Variants in FBRS observed in about 807,000 individuals in gnomAD.
The protein encoded by FBRS is fibrosin, also known as probable fibrosin-1.
A neutral mutation model predicts 86.1 loss-of-function variants in FBRS; 15 were observed. The ratio of observed to expected loss-of-function variants is 0.17; its 90% confidence interval spans 0.12 to 0.27. The LOEUF (loss-of-function observed/expected upper bound fraction) is 0.27, where lower values mean the gene tolerates loss of function less well. Among genes scored for constraint, FBRS ranks in the 10% least tolerant of loss-of-function variants. FBRS has a pLI of 1.00. For synonymous variants in FBRS, 666 were observed against 575.8 expected (o/e 1.16, Z -2.24); for missense variants, 1,367 against 1,301.6 (o/e 1.05, Z -0.77).
chr16:30,668,933 C>G lies in FBRS; in HGVS notation c.2320C>G (p.Pro774Ala), dbSNP rs770165391. 30 of 1,590,428 alleles carry G rather than the reference C, an allele frequency of 1.9e-5. No individual in the cohort carries two copies. The South Asian group carries it at 3.4e-4, about 18-fold the overall frequency. The part of the protein sequence containing the change: ...ARTPGSDKER[P>A]VERREPSITK... ...GACTCCAGGCTCAGACAAGGAGCGG[C>G]CTGTGGAGCGGAGGGAGCCCTCCAT... The change falls in exon 17 of 18, where the codon CCT (proline) becomes GCT (alanine). Residue 774 changes from proline (P) to alanine (A), a missense_variant. This residue lies in a region of FBRS where 659 missense variants were observed against 678.8 expected (regional missense o/e 0.97). Transcript: ENST00000356166.
chr16:30,668,137 TG>T (rs1286626636), intron 15 of FBRS: 2 of 202,458 alleles, frequency 9.9e-6, no homozygotes, highest in South Asian at 1.5e-4. Flanking sequence ...GCATGTCAGG[TG>T]GGGGGAAGCC....
chr16:30,658,542 T>G lies in FBRS; in HGVS notation c.-977T>G, dbSNP rs1034530352. 1.3e-5 allele frequency: 2 copies of G among 152,264 alleles called. No individual in the cohort carries two copies. The highest frequency in any genetic ancestry group is 1.9e-4 in the East Asian group (1 of 5,184). The allele number at this position is 152,264 out of a possible 1,614,324, so 9.4% of individuals were successfully genotyped here. A position where few individuals can be genotyped will look rare whatever the true frequency, so the allele number is the denominator to read the frequency against. ...AGACAACAGGAGTTTGTGCTGGAGC[T>G]CCCCCGCTGCCCATCGGCCGTTCCG... On this transcript the variant is annotated 5_prime_UTR_variant, in exon 1 of 18. Coordinates refer to ENST00000356166, the MANE Select transcript of FBRS (RefSeq NM_001105079.3).
At chr16:30,668,233 G>A (rs895391488) in intron 15 of FBRS, 29 of 320,404 alleles carry the variant, frequency 9.1e-5, no homozygotes, top group Admixed American at 1.8e-4. Context: ...GGAGAAGAGC[G>A]TGACTTCATG....
chr16:30,664,328 C>G lies in FBRS; in HGVS notation c.1169C>G (p.Thr390Ser). ...SSASSSSAQL[T>S]HRPPTPSLPL... ...GCCTCCTCCTCGTCCGCGCAGCTCA[C>G]CCACCGGCCCCCGACGCCCTCACTG... The change falls in exon 7 of 18, where the codon ACC becomes AGC. Residue 390 changes from threonine to serine, a missense_variant. Around this residue, in one of 3 missense-constraint regions of FBRS, gnomAD observed 702 missense variants for 598.7 expected, o/e 1.17. Transcript: ENST00000356166. 2 of 1,544,214 alleles carry G rather than the reference C, an allele frequency of 1.3e-6. No homozygotes were observed. The highest frequency in any genetic ancestry group is 1.7e-4 in the Middle Eastern group (1 of 5,960).
intron 6 of FBRS, among the ~76,000 whole-genome samples, chr16:30,663,437 C>T (rs2052484147): frequency 6.6e-6 from 1 of 151,686 alleles, no homozygotes; most frequent in Non-Finnish European, 1.5e-5. Context: ...CCTGAGTTAG[C>T]TTTTGTGAAC....
Position 30,660,317 on chromosome 16 carries a change from G to T in FBRS, c.514G>T (p.Gly172Trp). 1 of 1,302,096 alleles carries T rather than the reference G, an allele frequency of 7.7e-7. No individual in the cohort carries two copies. Among genetic ancestry groups the T allele is most frequent in the Non-Finnish European group, 9.8e-7 (1 of 1,016,294 alleles). 80.7% of individuals were successfully genotyped at this position (1,302,096 alleles called of 1,614,324 possible). A position where few individuals can be genotyped will look rare whatever the true frequency, so the allele number is the denominator to read the frequency against. Residue 172 changes from glycine (G) to tryptophan (W), a missense_variant, in exon 2 of 18, where the codon GGG becomes TGG. Coordinates refer to ENST00000356166, the MANE Select transcript of FBRS (RefSeq NM_001105079.3). ...ACTGGAACATCGGCTGAAGCATTCT[G>T]GGAAGCGGAAAAGGGGGGGCTCCAG... ...ERLEHRLKHSGKRKRGGSSGA... is the reference protein window; with the variant it reads ...ERLEHRLKHSWKRKRGGSSGA...
At chr16:30,664,957 GC>G in intron 8 of FBRS, 37 bp downstream of exon 8, 1 of 1,609,102 alleles carries the variant, frequency 6.2e-7, no homozygotes, top group Non-Finnish European at 8.5e-7. Flanking sequence ...AGGCTCGGAG[GC>G]CTCTGGGGAG....
Position 30,665,349 on chromosome 16 carries a change from G to A in FBRS, c.1652G>A (p.Gly551Asp). ...CCCGCAGTGCCCGGGCTGCCTCCGG[G>A]CCTCCCGCCGGCCGTCTCCTTTGGC... ...FPPAVPGLPP[G>D]LPPAVSFGSL... The change falls in exon 10 of 18, where the codon GGC becomes GAC. Residue 551 changes from glycine to aspartate, a missense_variant. Around this residue, in one of 3 missense-constraint regions of FBRS, gnomAD observed 659 missense variants for 678.8 expected, o/e 0.97. Transcript: ENST00000356166. This position sits in a 1 kb window ranked among gnomAD's most constrained non-coding sequence, Gnocchi z 4.1. The A allele has an allele frequency of 6.4e-7, 1 of 1,567,142 alleles. No homozygotes were observed. The highest frequency in any genetic ancestry group is 8.6e-7 in the Non-Finnish European group (1 of 1,157,084).
At chr16:30,668,721 AG>A in intron 16 of FBRS, 50 bp from the exon 17 acceptor site, 1 of 1,581,796 alleles carries the variant, frequency 6.3e-7, no homozygotes, top group Non-Finnish European at 8.6e-7. Context: ...AGGCCTGAAC[AG>A]GGCCTCCCAC....
intron 2 of FBRS, among the ~76,000 whole-genome samples, chr16:30,660,905 G>T (rs546322032): frequency 6.6e-6 from 1 of 152,182 alleles, no homozygotes; most frequent in South Asian, 2.1e-4. Flanking sequence ...AGCCCCCTAG[G>T]ATGTCTTAGT....
Position 30,665,320 on chromosome 16 carries a change from C to A in FBRS, c.1623C>A (p.Phe541Leu). The A allele has an allele frequency of 6.4e-7, 1 of 1,563,834 alleles. No homozygotes were observed. Among genetic ancestry groups the A allele is most frequent in the Non-Finnish European group, 8.7e-7 (1 of 1,154,926 alleles). Residue 541 changes from phenylalanine to leucine, a missense_variant, in exon 10 of 18, where the codon TTC becomes TTA. Phe to Leu is a conservative substitution (Grantham distance 22, BLOSUM62 0). Around this residue, in one of 3 missense-constraint regions of FBRS, gnomAD observed 659 missense variants for 678.8 expected, o/e 0.97. Transcript: ENST00000356166. The surrounding 1 kb of genome is among the most constrained non-coding windows in gnomAD (Gnocchi z 4.1). ...GLFRHNPYTA[F>L]PPAVPGLPPG... ...TCTCTCCACAGCCGTACACGGCCTT[C>A]CCTCCCGCAGTGCCCGGGCTGCCTC...
chr16:30,660,744 T>C (rs1398216034), intron 2 of FBRS, among the ~76,000 whole-genome samples: 2 of 152,104 alleles, frequency 1.3e-5, no homozygotes, highest in African/African-American at 2.4e-5. Context: ...GTGGTGGCAG[T>C]CCAGCAGAAA....
rs1316442136 is a variant in FBRS, at chr16:30,659,941, C to T, written c.423C>T (p.Phe141=). Residue 141 remains phenylalanine, a synonymous_variant, in exon 1 of 18, where the codon TTC becomes TTT. Transcript: ENST00000356166. ...EEEEEDLIDG[F]AIASFATLEA... ...AGGAGGAGGACTTGATCGATGGCTT[C>T]GCCATCGCCAGCTTCGCCACCCTCG... The T allele has an allele frequency of 2.6e-6, 4 of 1,550,984 alleles. No individual in the cohort carries two copies. Among genetic ancestry groups the T allele is most frequent in the East Asian group, 2.4e-5 (1 of 40,856 alleles).
At position 30,664,461 on chromosome 16, in the gene FBRS, A is replaced by C. The variant is rs1357480731; in HGVS notation, c.1302A>C (p.Pro434=). ...CTGGCCCCACCCTGCCCCCACCCCCACCCCTGCTGCAGGTGCCAGGGCACC... is the reference window on the plus strand; with the variant it reads ...CTGGCCCCACCCTGCCCCCACCCCCCCCCCTGCTGCAGGTGCCAGGGCACC... ...FSPGPTLPPP[P]PLLQVPGHPG... The change falls in exon 7 of 18, where the codon CCA becomes CCC. Residue 434 remains proline (P), a synonymous_variant. Coordinates refer to ENST00000356166, the MANE Select transcript of FBRS (RefSeq NM_001105079.3). The C allele has an allele frequency of 2.3e-5, 17 of 738,608 alleles. No homozygotes were observed. The highest frequency in any genetic ancestry group is 3.0e-4 in the Admixed American group (2 of 6,582). The allele number at this position is 738,608 out of a possible 1,614,324, so 45.8% of individuals were successfully genotyped here.
chr16:30,662,162 GCCTGCT>G (rs1336964142), intron 4 of FBRS: 1 of 507,328 alleles, frequency 2.0e-6, no homozygotes. Flanking sequence ...GGTTTGGTTT[GCCTGCT>G]TCTCTGCTGC....
chr16:30,669,427 G>A lies in FBRS; in HGVS notation c.2725G>A (p.Ala909Thr). The part of the protein sequence containing the change: ...EAGEELTGPG[A>T]VAAARLYGLE... Reference sequence around the variant, plus strand: ...GGGTGAGGAGCTAACTGGACCCGGGGCCGTGGCCGCTGCCCGCCTCTACGG... The same window carrying A: ...GGGTGAGGAGCTAACTGGACCCGGGACCGTGGCCGCTGCCCGCCTCTACGG... The change falls in exon 18 of 18, where the codon GCC (alanine) becomes ACC (threonine). Residue 909 changes from alanine to threonine, a missense_variant. By Grantham distance (58) the Ala-to-Thr change is moderately conservative (BLOSUM62 0). Around this residue, in one of 3 missense-constraint regions of FBRS, gnomAD observed 659 missense variants for 678.8 expected, o/e 0.97. Coordinates refer to ENST00000356166, the MANE Select transcript of FBRS (RefSeq NM_001105079.3). This position sits in a 1 kb window ranked among gnomAD's most constrained non-coding sequence, Gnocchi z 5.9. 2 of 1,612,818 alleles carry A rather than the reference G, an allele frequency of 1.2e-6. No individual in the cohort carries two copies. Among genetic ancestry groups the A allele is most frequent in the Non-Finnish European group, 1.7e-6 (2 of 1,179,776 alleles).
chr16:30,662,884 C>T (rs775555029), intron 6 of FBRS, 25 bp downstream of exon 6: 43 of 1,427,230 alleles, frequency 3.0e-5, no homozygotes, highest in East Asian at 7.8e-5. Flanking sequence ...GGGATTGATG[C>T]GGTCCGGAAG....
rs2052475836 is a variant in FBRS, at chr16:30,662,711, G to T, written c.907G>T (p.Val303Phe). ...FPPKEPPPPP[V>F]PRPPVSPPAP... ...CCCAAAGGAACCACCGCCTCCACCGGTCCCTCGGCCTCCTGTCTCACCCCC... is the reference window on the plus strand; with the variant it reads ...CCCAAAGGAACCACCGCCTCCACCGTTCCCTCGGCCTCCTGTCTCACCCCC... Residue 303 changes from valine (V) to phenylalanine (F), a missense_variant, in exon 6 of 18, where the codon GTC (valine) becomes TTC (phenylalanine). Transcript: ENST00000356166. The T allele has an allele frequency of 6.5e-7, 1 of 1,548,132 alleles. No individual in the cohort carries two copies. The highest frequency in any genetic ancestry group is 1.4e-5 in the African/African-American group (1 of 73,008).
At chr16:30,660,128 G>A in intron 1 of FBRS, 135 bp from the exon 2 acceptor site, 2 of 1,426,932 alleles carry the variant, frequency 1.4e-6, no homozygotes, top group African/African-American at 1.5e-5. Flanking sequence ...CCCGCCCTGG[G>A]GTGGGAGGAG....
Sources: allele counts gnomAD v4.1 joint callset (sites outside exome capture counted in the v4.1 genomes callset), GRCh38; gene constraint gnomAD v4.1.1; regional missense constraint gnomAD v4.1.1; non-coding constraint Gnocchi (gnomAD v3.1); transcripts MANE v1.5; gene names NCBI Gene and HGNC (gene_info 2026-07-23, HGNC 2026-07-21).